DNAH17: variants seen among roughly 807,000 people sequenced by gnomAD.
DNAH17 encodes the protein dynein axonemal heavy chain 17.
A neutral mutation model predicts 485.6 loss-of-function variants in DNAH17; 376 were observed. The ratio of observed to expected loss-of-function variants is 0.77; its 90% CI spans 0.71 to 0.84. The LOEUF is 0.84. Among genes scored for constraint, DNAH17 ranks in the 40% least tolerant of loss-of-function variants. The pLI is 0.00. For missense variants in DNAH17, 6,370 were observed against 5,839.3 expected (o/e 1.09, Z -2.96); for synonymous variants, 3,031 against 2,405.9 (o/e 1.26, Z -7.60).
At chr17:78,565,685 AG>A (rs1164096074) in intron 11 of DNAH17, among the ~76,000 whole-genome samples, 3 of 152,202 alleles carry the variant, frequency 2.0e-5, no homozygotes, top group Non-Finnish European at 2.9e-5. Flanking sequence ...CAGGCGTGGT[AG>A]CTCACGCCTG....
chr17:78,437,897 C>T, intron 73 of DNAH17, 29 bp from the exon 74 acceptor site: 1 of 1,555,780 alleles, frequency 6.4e-7, no homozygotes, highest in Non-Finnish European at 8.8e-7. Context: ...GCTGGTTACA[C>T]ACTTTGCCCA....
rs1279670728 is a variant in DNAH17 at position 78,501,841 on chromosome 17, G to A, written c.5223C>T (p.Leu1741=). 3.7e-6 allele frequency: 6 copies of A among 1,613,908 alleles called. No individual in the cohort carries two copies. Among genetic ancestry groups the A allele is most frequent in the South Asian group, 2.2e-5 (2 of 91,088 alleles). ...ISQLNVLITL[L]MGNLNAGDRM... is the part of the protein sequence containing the mutation. ...TGTCGCCAGCGTTGAGGTTCCCCATGAGCAGCGTGATGAGTACGTTCAGCT... is the reference window on the plus strand; with the variant it reads ...TGTCGCCAGCGTTGAGGTTCCCCATAAGCAGCGTGATGAGTACGTTCAGCT... The change falls in exon 34 of 81, where the codon CTC becomes CTT. Residue 1741 remains leucine (L), a synonymous_variant. Transcript: ENST00000389840.
chr17:78,544,129 G>C, intron 16 of DNAH17, 132 bp from the exon 17 acceptor site: 3 of 1,287,276 alleles, frequency 2.3e-6, no homozygotes, highest in African/African-American at 3.0e-5. Context: ...AGTTCTCCAC[G>C]ATCCATGCCC....
At chr17:78,560,052 A>G (rs905698385) in intron 13 of DNAH17, among the ~76,000 whole-genome samples, 48 of 151,704 alleles carry the variant, frequency 3.2e-4, no homozygotes, top group East Asian at 1.9e-4. Context: ...AACCTGTTGC[A>G]CCTTCTACCA....
At chr17:78,510,313 T>C in intron 27 of DNAH17, 71 bp downstream of exon 27, 1 of 1,586,286 alleles carries the variant, frequency 6.3e-7, no homozygotes, top group Non-Finnish European at 8.6e-7. Flanking sequence ...CTCTGGGCGC[T>C]CTCAGTGGTT....
chr17:78,487,333 G>GC (rs2089656151), intron 44 of DNAH17, among the ~76,000 whole-genome samples: 1 of 152,316 alleles, frequency 6.6e-6, no homozygotes, highest in Non-Finnish European at 1.5e-5. Flanking sequence ...TTAAAGCTCA[G>GC]AGAAGGGGGC....
Position 78,476,683 on chromosome 17 carries a change from G to C in DNAH17, c.8043C>G (p.Val2681=), listed in dbSNP as rs770709506. The C allele has an allele frequency of 5.6e-6, 9 of 1,613,016 alleles. No individual in the cohort carries two copies. Among genetic ancestry groups the C allele is most frequent in the Non-Finnish European group, 7.6e-6 (9 of 1,179,548 alleles). The change falls in exon 52 of 81, where the codon GTC becomes GTG. Residue 2681 remains valine, a synonymous_variant. Coordinates refer to ENST00000389840, the MANE Select transcript of DNAH17 (RefSeq NM_173628.4). The part of the protein sequence containing the change: ...AEVLKTPLDL[V]RLWLHETERV... ...GTTCAGTCTCATGTAGCCAAAGGCG[G>C]ACGAGGTCCAGTGGGGTTTTCAGAA... is the stretch of plus-strand genomic sequence containing the variant.
At chr17:78,529,349 A>G (rs2091164977) in intron 22 of DNAH17, 123 bp downstream of exon 22, 1 of 945,550 alleles carries the variant, frequency 1.1e-6, no homozygotes, top group Non-Finnish European at 1.6e-6. Context: ...TGGGGATCTG[A>G]TGTCCAGAGA....
At chr17:78,552,581 G>T in intron 15 of DNAH17, 116 bp downstream of exon 15, 1 of 568,966 alleles carries the variant, frequency 1.8e-6, no homozygotes, top group Non-Finnish European at 3.2e-6. Context: ...TGAAGTTAAA[G>T]CAGATCCACA....
intron 27 of DNAH17, among the ~76,000 whole-genome samples, chr17:78,508,382 G>A (rs1480129072): frequency 6.6e-6 from 1 of 152,198 alleles, no homozygotes; most frequent in Non-Finnish European, 1.5e-5. Context: ...TCACCTTCCA[G>A]CCTCTTACAC....
intron 25 of DNAH17, among the ~76,000 whole-genome samples, chr17:78,517,066 T>G (rs777081743): frequency 1.1e-4 from 16 of 152,090 alleles, no homozygotes; most frequent in Non-Finnish European, 2.1e-4. Flanking sequence ...TGAGACAGAG[T>G]CTCACTCACT....
Position 78,507,674 on chromosome 17 carries a change from C to A in DNAH17, c.4368G>T (p.Leu1456=). The part of the protein sequence containing the change: ...VETLEDNQVQ[L]QNLMMSKYLA... ...GGTACTTGGACATCATCAGGTTCTGCAGCTGCACCTGGTTGTCCTCCAGCG... is the reference window on the plus strand; with the variant it reads ...GGTACTTGGACATCATCAGGTTCTGAAGCTGCACCTGGTTGTCCTCCAGCG... The change falls in exon 28 of 81, where the codon CTG becomes CTT. Residue 1456 remains leucine (L), a synonymous_variant. Coordinates refer to ENST00000389840, the MANE Select transcript of DNAH17 (RefSeq NM_173628.4). 6.2e-7 allele frequency: 1 copy of A among 1,613,250 alleles called. No individual in the cohort carries two copies. Among genetic ancestry groups the A allele is most frequent in the Non-Finnish European group, 8.5e-7 (1 of 1,179,972 alleles).
chr17:78,479,517 C>T lies in DNAH17; in HGVS notation c.7868G>A (p.Arg2623Lys), dbSNP rs1315308632. 1 of 1,613,288 alleles carries T rather than the reference C, an allele frequency of 6.2e-7. No individual in the cohort carries two copies. Among genetic ancestry groups the T allele is most frequent in the East Asian group, 2.2e-5 (1 of 44,878 alleles). ...AFRSVSMAIQ[R>K]ISSQLVAAAL... ...CGCGGCCACCAGCTGGCTGCTTATC[C>T]TCTGGATAGCCATGGAGACCGAGCG... The change falls in exon 50 of 81, where the codon AGG (arginine) becomes AAG (lysine). Residue 2623 changes from arginine (R) to lysine (K), a missense_variant. Arg to Lys is a conservative substitution (Grantham distance 26, BLOSUM62 2). Coordinates refer to ENST00000389840, the MANE Select transcript of DNAH17 (RefSeq NM_173628.4).
At position 78,576,880 on chromosome 17, in the gene DNAH17, C is replaced by A. The variant is rs567333106; in HGVS notation, c.-26+415G>T. ...GGTCTCATCTCAGGCTCCCACCCAGCCGTTTCCTGGGCTGAAGGCCAGGAG... is the reference window on the plus strand; with the variant it reads ...GGTCTCATCTCAGGCTCCCACCCAGACGTTTCCTGGGCTGAAGGCCAGGAG... On this transcript the variant is annotated intron_variant, in intron 1 of 80. Coordinates refer to ENST00000389840, the MANE Select transcript of DNAH17 (RefSeq NM_173628.4). Among the ~76,000 whole-genome samples the A allele has an allele frequency of 1.6e-3, 249 of 152,330 alleles. 1 individual carries two copies. Among genetic ancestry groups the A allele is most frequent in the Middle Eastern group, 6.8e-3 (2 of 294 alleles).
intron 25 of DNAH17, among the ~76,000 whole-genome samples, chr17:78,519,290 G>A (rs539708061): frequency 2.0e-5 from 3 of 151,902 alleles, no homozygotes; most frequent in East Asian, 1.9e-4. Flanking sequence ...ATCAAAATAC[G>A]TGGGACGCAG....
chr17:78,525,113 TG>T lies in DNAH17; in HGVS notation c.3759del (p.Lys1254SerfsTer26). On this transcript the variant is annotated frameshift_variant, in exon 25 of 81. Transcript: ENST00000389840. LOFTEE classifies it high-confidence loss of function. ...GGGACCTCGAACAGGCCCCCGGACT[TG>T]GACAGCGCCTCCATGATGCCTTCCA... is the stretch of plus-strand genomic sequence containing the variant. ...SAMEGIMEAL[S>X]KSGGLFEVPV... The T allele has an allele frequency of 6.2e-7, 1 of 1,613,816 alleles. No homozygotes were observed. Among genetic ancestry groups the T allele is most frequent in the Non-Finnish European group, 8.5e-7 (1 of 1,179,870 alleles).
At chr17:78,494,524 A>G (rs1463579166) in intron 40 of DNAH17, 69 bp downstream of exon 40, 2 of 1,515,190 alleles carry the variant, frequency 1.3e-6, no homozygotes, top group Non-Finnish European at 1.8e-6. Context: ...CACCCGTCCA[A>G]CATCAGTGGG....
intron 69 of DNAH17, among the ~76,000 whole-genome samples, chr17:78,448,923 C>A (rs937611455): frequency 6.6e-6 from 1 of 152,180 alleles, no homozygotes; most frequent in Non-Finnish European, 1.5e-5. Context: ...ATTACTCAGC[C>A]TTGGGTATTC....
Position 78,560,844 on chromosome 17 carries a change from G to A in DNAH17, c.1927C>T (p.Gln643Ter), listed in dbSNP as rs1228249772. The part of the protein sequence containing the change: ...LRCHREKIYQ[Q>*]WVAGVDQDCH... The stretch of plus-strand genomic sequence containing the variant: ...TCCTGGTCCACGCCCGCCACCCACT[G>A]CTGGTAGATCTTCTCGCGGTGGCAC... Residue 643 changes from glutamine to a stop codon, truncating the protein, a stop_gained, in exon 13 of 81, where the codon CAG becomes TAG. Coordinates refer to ENST00000389840, the MANE Select transcript of DNAH17 (RefSeq NM_173628.4). LOFTEE classifies it high-confidence loss of function. 2 of 1,551,888 alleles carry A rather than the reference G, an allele frequency of 1.3e-6. No homozygotes were observed. Among genetic ancestry groups the A allele is most frequent in the African/African-American group, 1.4e-5 (1 of 73,170 alleles).
Sources: gnomAD v4.1 joint callset for allele counts (sites outside exome capture counted in the v4.1 genomes callset) on GRCh38, gnomAD v4.1.1 for gene constraint, MANE v1.5 for transcripts, NCBI Gene and HGNC (gene_info 2026-07-23, HGNC 2026-07-21) for gene names.